The following ABCD4 variants were observed in gnomAD, a reference collection of about 807,000 sequenced individuals.
ABCD4 encodes the protein lysosomal cobalamin transporter ABCD4.
ABCD4 carries 53 observed loss-of-function variants against 86.3 expected under a neutral mutation model. That is an observed-to-expected ratio of 0.61 (90% confidence interval 0.49 to 0.77). The LOEUF is 0.77. ABCD4 is among the 30% of genes least tolerant of loss of function. The pLI is 0.00. For synonymous variants in ABCD4, 328 were observed against 313.6 expected, an observed-to-expected ratio of 1.05 and a Z score of -0.49; for missense variants, 757 against 764.5, an observed-to-expected ratio of 0.99 and a Z score of 0.12.
intron 4 of ABCD4, 160 bp from the exon 5 acceptor site, chr14:74,296,609 G>C (rs1273596764): frequency 1.6e-6 from 1 of 628,348 alleles, no homozygotes; most frequent in African/African-American, 1.8e-5. Flanking sequence ...GTTTCCTAGG[G>C]GCAACTAAAT....
chr14:74,300,843 C>G (rs762695431), intron 1 of ABCD4, among the ~76,000 whole-genome samples: 1 of 152,018 alleles, frequency 6.6e-6, no homozygotes, highest in Non-Finnish European at 1.5e-5. Flanking sequence ...AGTGCAAAAC[C>G]AACAAGGACT....
chr14:74,290,534 G>A (rs560733101), intron 11 of ABCD4, 35 bp from the exon 12 acceptor site: 5 of 1,571,744 alleles, frequency 3.2e-6, no homozygotes, highest in South Asian at 2.2e-5. Context: ...TGAGGAAGAT[G>A]GGCAGGGTCA....
intron 8 of ABCD4, 115 bp downstream of exon 8, chr14:74,293,039 T>G: frequency 1.4e-6 from 2 of 1,439,704 alleles, no homozygotes; most frequent in Non-Finnish European, 1.9e-6. Context: ...TCATCCCCGG[T>G]TAATTCCTTC....
chr14:74,296,720 G>T, intron 4 of ABCD4: 1 of 423,274 alleles, frequency 2.4e-6, no homozygotes, highest in Non-Finnish European at 4.3e-6. Context: ...CCAGGGGCCT[G>T]AGCCAGCTCT....
At chr14:74,291,426 C>T (rs936977085) in intron 11 of ABCD4, among the ~76,000 whole-genome samples, 2 of 152,252 alleles carry the variant, frequency 1.3e-5, no homozygotes, top group African/African-American at 2.4e-5. Flanking sequence ...GGTTGCAGAG[C>T]GGTATTCAAC....
At chr14:74,293,390 C>T (rs1594936507) in intron 7 of ABCD4, 142 bp from the exon 8 acceptor site, 2 of 656,214 alleles carry the variant, frequency 3.0e-6, no homozygotes, top group East Asian at 2.8e-5. Flanking sequence ...CTGGTAGCGC[C>T]CATTCACGGC....
In ABCD4 at chr14:74,292,557, G is replaced by A. The variant is rs150411078; in HGVS notation, c.1022C>T (p.Thr341Met). The A allele has an allele frequency of 2.6e-5, 42 of 1,613,964 alleles. 2 individuals carry two copies. The highest frequency in any genetic ancestry group is 1.6e-4 in the African/African-American group (12 of 75,046). Residue 341 changes from threonine (T) to methionine (M), a missense_variant, in exon 10 of 19, where the codon ACG (threonine) becomes ATG (methionine). Thr to Met is a moderately conservative substitution (Grantham distance 81). Coordinates refer to ENST00000356924, the MANE Select transcript of ABCD4 (RefSeq NM_005050.4). ...GGGTGGGACACGGCCTCACCTGTGC[G>A]TGTAGCCAGCCACATCTGAGAGCGT... ...STTLSDVAGY[T>M]HRIGQLRETL...
At chr14:74,301,993 T>C (rs990863369) in intron 1 of ABCD4, among the ~76,000 whole-genome samples, 1 of 147,580 alleles carries the variant, frequency 6.8e-6, no homozygotes, top group Non-Finnish European at 1.5e-5. Flanking sequence ...CAGCCGCCAC[T>C]GAACGATGGA....
chr14:74,295,350 G>T, intron 6 of ABCD4, 152 bp from the exon 7 acceptor site: 2 of 853,966 alleles, frequency 2.3e-6, no homozygotes, highest in Non-Finnish European at 1.8e-6. Flanking sequence ...GACTGTTATG[G>T]GGTAGAAAAC....
intron 11 of ABCD4, among the ~76,000 whole-genome samples, chr14:74,291,394 C>A (rs971155173): frequency 6.6e-6 from 1 of 152,212 alleles, no homozygotes; most frequent in Non-Finnish European, 1.5e-5. Flanking sequence ...CACTAAGAAT[C>A]AGGTGGCTAA....
Position 74,287,871 on chromosome 14 carries a change from G to A in ABCD4, c.1575C>T (p.Ser525=). 2 of 1,613,140 alleles carry A rather than the reference G, an allele frequency of 1.2e-6. No homozygotes were observed. Among genetic ancestry groups the A allele is most frequent in the Non-Finnish European group, 1.7e-6 (2 of 1,179,550 alleles). Residue 525 remains serine, a synonymous_variant, in exon 17 of 19, where the codon TCC becomes TCT. Coordinates refer to ENST00000356924, the MANE Select transcript of ABCD4 (RefSeq NM_005050.4). The stretch of plus-strand genomic sequence containing the variant: ...AGGAGAGCCGTTGCATCTCCCCCGG[G>A]GACAGAACATCATACCTGAGGAAAG... The part of the protein sequence containing the change: ...QVDWNWYDVL[S]PGEMQRLSFA...
At chr14:74,297,618 G>T in intron 4 of ABCD4, 2 of 713,136 alleles carry the variant, frequency 2.8e-6, no homozygotes, top group Non-Finnish European at 3.5e-6. Flanking sequence ...GAGTACAGTG[G>T]CTATTCCCAA....
In ABCD4 at chr14:74,299,386, C is replaced by T. The variant is rs7151642; in HGVS notation, c.285+162G>A. The T allele has an allele frequency of 0.017, 14,968 of 873,974 alleles. 1,557 individuals are homozygous for T. The African/African-American group carries it at 0.23, about 13-fold the overall frequency. 54.1% of individuals were successfully genotyped at this position (873,974 alleles called of 1,614,324 possible). A position where few individuals can be genotyped will look rare whatever the true frequency, so the allele number is the denominator to read the frequency against. ...GTCCCACGTGGGCCAATAGCAAGAT[C>T]AACGTGCTTAATAAAGGCAACTATC... On this transcript the variant is annotated intron_variant, in intron 3 of 18. Coordinates refer to ENST00000356924, the MANE Select transcript of ABCD4 (RefSeq NM_005050.4).
intron 1 of ABCD4, among the ~76,000 whole-genome samples, chr14:74,301,788 C>T (rs1289674096): frequency 6.6e-6 from 1 of 152,100 alleles, no homozygotes; most frequent in African/African-American, 2.4e-5. Context: ...GTAATCCCAG[C>T]TACTCAGGAG....
rs1349881949 is a variant in ABCD4 at position 74,287,905 on chromosome 14, G to C, written c.1560-19C>G. 1 of 1,602,894 alleles carries C rather than the reference G, an allele frequency of 6.2e-7. No individual in the cohort carries two copies. Among genetic ancestry groups the C allele is most frequent in the African/African-American group, 1.3e-5 (1 of 74,502 alleles). On this transcript the variant is annotated intron_variant, in intron 16 of 18. Transcript: ENST00000356924. ...ATCATACCTGAGGAAAGGTAGGAGA[G>C]AGGACTGCTAGAGGAGGAAGAATAT...
Position 74,289,499 on chromosome 14 carries a change from C to A in ABCD4, c.1440G>T (p.Glu480Asp), listed in dbSNP as rs947818930. ...LREQVIYPLK[E>D]VYPDSGSADD... ...CCAGCTCACCTGAGTCGGGGTAGAC[C>A]TCCTTCAGGGGATATATCACCTGAG... is the stretch of plus-strand genomic sequence containing the variant. Residue 480 changes from glutamate to aspartate, a missense_variant, in exon 14 of 19, where the codon GAG becomes GAT. Glu to Asp is a conservative substitution (Grantham distance 45). Coordinates refer to ENST00000356924, the MANE Select transcript of ABCD4 (RefSeq NM_005050.4). 1.9e-6 allele frequency: 3 copies of A among 1,613,732 alleles called. No homozygotes were observed. The African/African-American group carries it at 4.0e-5, about 22-fold the overall frequency.
chr14:74,293,025 C>T, intron 8 of ABCD4, 129 bp downstream of exon 8: 1 of 1,444,468 alleles, frequency 6.9e-7, no homozygotes. Context: ...ACAGCCCCCC[C>T]TCCTCATCCC....
intron 13 of ABCD4, 38 bp from the exon 14 acceptor site, chr14:74,289,557 G>A (rs752058704): frequency 3.0e-5 from 49 of 1,610,604 alleles, no homozygotes; most frequent in East Asian, 2.0e-4. Context: ...CTAGGAGGGC[G>A]AGCAAAAGAC....
intron 11 of ABCD4, 96 bp from the exon 12 acceptor site, chr14:74,290,595 T>C (rs2081235666): frequency 1.1e-6 from 1 of 917,078 alleles, no homozygotes; most frequent in Admixed American, 1.8e-5. Context: ...CTGTGGATTA[T>C]TATGGGCTGA....
Sources: allele counts gnomAD v4.1 joint callset (sites outside exome capture counted in the v4.1 genomes callset), GRCh38; gene constraint gnomAD v4.1.1; transcripts MANE v1.5; gene names NCBI Gene and HGNC (gene_info 2026-07-23, HGNC 2026-07-21).